The following NAALADL2 variants were observed in gnomAD, a reference collection of about 807,000 sequenced individuals.
NAALADL2 encodes inactive N-acetylated-alpha-linked acidic dipeptidase-like protein 2.
A neutral mutation model predicts 87.2 loss-of-function variants in NAALADL2; 76 were observed. That is an observed-to-expected ratio of 0.87 (90% CI 0.72 to 1.05). The LOEUF is 1.05. NAALADL2 is among the 50% of genes least tolerant of loss of function. The pLI is 0.00. For missense variants in NAALADL2, 1,089 were observed against 945.8 expected (o/e 1.15, Z -1.99); for synonymous variants, 354 against 331.0 (o/e 1.07, Z -0.75).
At chr3:175,555,730 TA>T (rs1715163373) in intron 9 of NAALADL2, among the ~76,000 whole-genome samples, 2 of 152,214 alleles carry the variant, frequency 1.3e-5, no homozygotes, top group South Asian at 4.1e-4. Flanking sequence ...TATCTCTGAT[TA>T]TTTACTGGGA....
chr3:175,090,268 CCAAG>C (rs1455659568), intron 1 of NAALADL2, among the ~76,000 whole-genome samples: 53 of 152,042 alleles, frequency 3.5e-4, no homozygotes, highest in African/African-American at 1.2e-3. Flanking sequence ...CTAAATAATA[CCAAG>C]TGTTCACACT....
In NAALADL2 at chr3:175,335,050, G is replaced by A. The variant is rs1761837328; in HGVS notation, c.1090+10725G>A. ...AAGCTATCTGCTGACAGAACTCACAGCAGCTGAGACAACAGGCTCTCTCTT... is the reference window on the plus strand; with the variant it reads ...AAGCTATCTGCTGACAGAACTCACAACAGCTGAGACAACAGGCTCTCTCTT... On this transcript the variant is annotated intron_variant, in intron 5 of 13. Coordinates refer to ENST00000454872, the MANE Select transcript of NAALADL2 (RefSeq NM_207015.3). Among the ~76,000 whole-genome samples the A allele has an allele frequency of 1.3e-5, 2 of 152,124 alleles. 1 individual carries two copies. Among genetic ancestry groups the A allele is most frequent in the Admixed American group, 1.3e-4 (2 of 15,260 alleles).
intron 5 of NAALADL2, among the ~76,000 whole-genome samples, chr3:175,339,694 C>G (rs1032217484): frequency 1.3e-5 from 2 of 152,156 alleles, no homozygotes; most frequent in Non-Finnish European, 2.9e-5. Context: ...ATGTAACATA[C>G]TTTTAAAATT....
At chr3:174,700,067 G>A (rs530155908) in intron 2 of NAALADL2, among the ~76,000 whole-genome samples, 1 of 151,032 alleles carries the variant, frequency 6.6e-6, no homozygotes, top group Non-Finnish European at 1.5e-5. Context: ...GGTTTATTTG[G>A]CTATTTGAAG....
At position 175,697,813 on chromosome 3, in the gene NAALADL2, G is replaced by GTATGTATACATATATATGTGTATT. The variant is rs765648699; in HGVS notation, c.1897-39469_1897-39446dup. Among the ~76,000 whole-genome samples, 931 of 133,950 alleles carry GTATGTATACATATATATGTGTATT rather than the reference G, an allele frequency of 7.0e-3. 46 individuals are homozygous for GTATGTATACATATATATGTGTATT. The highest frequency in any genetic ancestry group is 0.018 in the African/African-American group (633 of 35,494). The allele number at this position is 133,950 out of a possible 152,430, so 87.9% of individuals were successfully genotyped here. On this transcript the variant is annotated intron_variant, in intron 11 of 13. Transcript: ENST00000454872. ...TGTGTATATATGTATATATATTTATGTATGTATACATATATATGTGTATTT... is the reference window on the plus strand; with the variant it reads ...TGTGTATATATGTATATATATTTATGTATGTATACATATATATGTGTATTTATGTATACATATATATGTGTATTT...
At chr3:174,717,997 G>T (rs2108940611) in intron 2 of NAALADL2, among the ~76,000 whole-genome samples, 1 of 152,052 alleles carries the variant, frequency 6.6e-6, no homozygotes, top group East Asian at 1.9e-4. Context: ...GGCGTGTTGG[G>T]AGGCGCCTGT....
chr3:175,764,140 TATTTAAATATAATTAA>T (rs1454011031), intron 13 of NAALADL2, among the ~76,000 whole-genome samples: 7 of 149,920 alleles, frequency 4.7e-5, no homozygotes, highest in Admixed American at 6.7e-5. Context: ...ATTTTAATTA[TATTTAAATATAATTAA>T]ATTTAAATAT....
intron 3 of NAALADL2, among the ~76,000 whole-genome samples, chr3:174,821,347 T>A (rs1369790299): frequency 1.3e-5 from 2 of 151,912 alleles, no homozygotes; most frequent in Non-Finnish European, 1.5e-5. Context: ...GAAAAAAAAA[T>A]GTGTAAGTCA....
intron 5 of NAALADL2, among the ~76,000 whole-genome samples, chr3:175,431,460 T>G (rs1000290246): frequency 1.3e-5 from 2 of 152,060 alleles, no homozygotes; most frequent in Admixed American, 1.3e-4. Flanking sequence ...CCTATTCTTC[T>G]GTGGAGCTAA....
intron 1 of NAALADL2, among the ~76,000 whole-genome samples, chr3:174,490,951 A>T (rs1718152866): frequency 6.6e-6 from 1 of 152,096 alleles, no homozygotes; most frequent in Admixed American, 6.6e-5. Flanking sequence ...ATGAGAGATA[A>T]CATACTTTAA....
Position 174,982,318 on chromosome 3 carries a change from C to A in NAALADL2, c.44-114472C>A, listed in dbSNP as rs986815850. Among the ~76,000 whole-genome samples the A allele has an allele frequency of 6.6e-5, 10 of 151,934 alleles. No individual in the cohort carries two copies. In the South Asian group the frequency reaches 2.1e-3, roughly 32 times the overall value. On this transcript the variant is annotated intron_variant, in intron 1 of 13. Transcript: ENST00000454872. ...AGGGAGCTGAGGTCATGATTTCTGA[C>A]CTTCTAGGACTTATAATCAATTTTT...
intron 1 of NAALADL2, among the ~76,000 whole-genome samples, chr3:174,953,743 C>T (rs538545583): frequency 1.5e-4 from 23 of 152,042 alleles, no homozygotes; most frequent in Non-Finnish European, 2.8e-4. Flanking sequence ...AGCTTTTCCC[C>T]GGAGCAGGTT....
intron 4 of NAALADL2, among the ~76,000 whole-genome samples, chr3:175,270,047 A>T (rs1031927869): frequency 2.3e-4 from 35 of 152,334 alleles, no homozygotes; most frequent in African/African-American, 8.2e-4. Flanking sequence ...AAAAATTTTC[A>T]AAATAAATAA....
intron 2 of NAALADL2, among the ~76,000 whole-genome samples, chr3:174,672,572 G>A (rs1322688412): frequency 1.3e-5 from 2 of 152,006 alleles, no homozygotes; most frequent in Non-Finnish European, 2.9e-5. Context: ...TGGGGTGTGC[G>A]TATTATATGT....
chr3:175,170,276 C>A (rs960135747), intron 2 of NAALADL2, among the ~76,000 whole-genome samples: 3 of 151,110 alleles, frequency 2.0e-5, no homozygotes, highest in Non-Finnish European at 4.4e-5. Context: ...TGATGATTTG[C>A]AGAAGGATTT....
At chr3:175,148,091 G>GATGATAATA (rs1731020494) in intron 2 of NAALADL2, among the ~76,000 whole-genome samples, 1 of 110,748 alleles carries the variant, frequency 9.0e-6, no homozygotes, top group African/African-American at 3.4e-5. Context: ...TAATGATAAT[G>GATGATAATA]ATAATAATAA....
At chr3:175,750,700 C>A (rs1251447072) in intron 12 of NAALADL2, among the ~76,000 whole-genome samples, 5 of 152,176 alleles carry the variant, frequency 3.3e-5, no homozygotes, top group Non-Finnish European at 7.3e-5. Flanking sequence ...TGATCTATCT[C>A]TCAAGGTTTA....
chr3:174,729,527 A>G (rs1732508667), intron 2 of NAALADL2, among the ~76,000 whole-genome samples: 1 of 151,986 alleles, frequency 6.6e-6, no homozygotes, highest in African/African-American at 2.4e-5. Context: ...TTTCCAGAGG[A>G]TGGGTATTTA....
chr3:175,288,255 C>T (rs1291509309), intron 4 of NAALADL2, among the ~76,000 whole-genome samples: 1 of 152,138 alleles, frequency 6.6e-6, no homozygotes, highest in Non-Finnish European at 1.5e-5. Flanking sequence ...TCCTCTCTTA[C>T]TCAGGGATGG....
Sources: allele counts gnomAD v4.1 joint callset (sites outside exome capture counted in the v4.1 genomes callset), GRCh38; gene constraint gnomAD v4.1.1; transcripts MANE v1.5; gene names NCBI Gene and HGNC (gene_info 2026-07-23, HGNC 2026-07-21).